DMD: variants seen among roughly 807,000 people sequenced by gnomAD.
The protein encoded by DMD is mutant dystrophin.
Under a neutral mutation model 330.1 loss-of-function variants are expected in DMD, and 63 were observed. The ratio of observed to expected loss-of-function variants is 0.19; its 90% CI spans 0.16 to 0.24. The LOEUF is 0.24. Ranked by LOEUF, DMD falls within the 10% of genes least tolerant of loss-of-function variation. The probability of loss-of-function intolerance (pLI) is 1.00; values close to 1 mark genes in which losing one functional copy is unlikely to be tolerated. For missense variants in DMD, 3,344 were observed against 2,684.1 expected, an observed-to-expected ratio of 1.25 and a Z score of -5.43; for synonymous variants, 1,223 against 959.8, an observed-to-expected ratio of 1.27 and a Z score of -5.07.
intron 11 of DMD, among the ~76,000 whole-genome samples, chrX:32,621,690 G>T (rs1309224952): frequency 9.1e-6 from 1 of 110,322 alleles, no homozygotes; most frequent in African/African-American, 3.3e-5. Flanking sequence ...GTAGGGACCA[G>T]AATGGCTGGG....
chrX:31,665,926 G>A (rs750178703), intron 53 of DMD, among the ~76,000 whole-genome samples: 1 of 111,946 alleles, frequency 8.9e-6, no homozygotes, highest in African/African-American at 3.2e-5. Context: ...CAAGTGCTTC[G>A]TTACCTTAAT....
intron 45 of DMD, among the ~76,000 whole-genome samples, chrX:31,948,439 C>G (rs2095117292): frequency 9.0e-6 from 1 of 110,999 alleles, no homozygotes; most frequent in South Asian, 3.8e-4. Context: ...TTTCAAGAAC[C>G]TTTCTACTGT....
chrX:31,348,319 A>G (rs2058208583), intron 61 of DMD: 1 of 416,620 alleles, frequency 2.4e-6, no homozygotes, highest in East Asian at 4.1e-5. Context: ...ATTTGAGAAT[A>G]TAGTGCAGGA....
At chrX:31,235,192 T>C (rs961753350) in intron 63 of DMD, among the ~76,000 whole-genome samples, 2 of 112,030 alleles carry the variant, frequency 1.8e-5, no homozygotes, top group Non-Finnish European at 3.8e-5. Context: ...AGGATGCTTA[T>C]GTACATACAG....
intron 54 of DMD, among the ~76,000 whole-genome samples, chrX:31,639,161 A>G (rs1051509772): frequency 1.8e-5 from 2 of 111,779 alleles, no homozygotes; most frequent in Non-Finnish European, 3.8e-5. Flanking sequence ...AAGATATTTA[A>G]CCAAATTATA....
intron 55 of DMD, among the ~76,000 whole-genome samples, chrX:31,530,645 CTCTT>C (rs1294079313): frequency 7.5e-5 from 3 of 40,154 alleles, no homozygotes; most frequent in East Asian, 8.1e-4. Flanking sequence ...GCACTGGTTT[CTCTT>C]TTTTTTTTTT....
chrX:31,829,143 T>C (rs1445534452), intron 49 of DMD, among the ~76,000 whole-genome samples: 3 of 111,741 alleles, frequency 2.7e-5, no homozygotes, highest in Non-Finnish European at 5.6e-5. Context: ...AAATACCATA[T>C]GTTCTCACTC....
At chrX:31,845,070 A>G (rs185448769) in intron 48 of DMD, among the ~76,000 whole-genome samples, 1,583 of 87,857 alleles carry the variant, frequency 0.018, 35 homozygotes, top group African/African-American at 0.072. Context: ...ATATATGTAT[A>G]TGTGTGTATA....
At chrX:31,355,767 T>G (rs1374731897) in intron 60 of DMD, among the ~76,000 whole-genome samples, 1 of 110,631 alleles carries the variant, frequency 9.0e-6, no homozygotes, top group Non-Finnish European at 1.9e-5. Context: ...CTGAGACTGA[T>G]TACAGTTTCA....
At chrX:31,219,784 G>A (rs895413053) in intron 64 of DMD, among the ~76,000 whole-genome samples, 9 of 106,502 alleles carry the variant, frequency 8.5e-5, no homozygotes, top group Non-Finnish European at 1.7e-4. Context: ...AAAAATCCAC[G>A]TAAGTTGACC....
At chrX:33,270,759 A>T (rs750773645) in intron 1 of DMD, among the ~76,000 whole-genome samples, 12 of 112,260 alleles carry the variant, frequency 1.1e-4, no homozygotes, top group Non-Finnish European at 5.6e-5. Flanking sequence ...GGAATAGTAT[A>T]TAAACAAAAA....
At chrX:32,186,303 T>A (rs2096946845) in intron 44 of DMD, among the ~76,000 whole-genome samples, 1 of 111,393 alleles carries the variant, frequency 9.0e-6, no homozygotes, top group African/African-American at 3.3e-5. Context: ...TTAATGCATT[T>A]GTCCTGTCAC....
At chrX:32,362,478 AT>A (rs1026812003) in intron 37 of DMD, among the ~76,000 whole-genome samples, 1 of 110,718 alleles carries the variant, frequency 9.0e-6, no homozygotes, top group African/African-American at 3.3e-5. Flanking sequence ...GCTATTTGTT[AT>A]TTTTTTCTGT....
intron 2 of DMD, among the ~76,000 whole-genome samples, chrX:32,853,951 T>C (rs1326309255): frequency 9.0e-6 from 1 of 111,173 alleles, no homozygotes; most frequent in Non-Finnish European, 1.9e-5. Flanking sequence ...AAACAAAATA[T>C]ATTTCAAGAC....
intron 55 of DMD, among the ~76,000 whole-genome samples, chrX:31,621,860 A>G (rs937297334): frequency 1.8e-5 from 2 of 111,957 alleles, no homozygotes; most frequent in Non-Finnish European, 3.8e-5. Flanking sequence ...GCCTTTGGAT[A>G]TGGTGTTTCC....
intron 51 of DMD, among the ~76,000 whole-genome samples, chrX:31,754,222 T>G (rs2088856384): frequency 9.0e-6 from 1 of 111,620 alleles, no homozygotes; most frequent in African/African-American, 3.2e-5. Flanking sequence ...ACAAATATCA[T>G]CTACCTTGGA....
At chrX:32,397,882 TGTG>T (rs1260760622) in intron 30 of DMD, among the ~76,000 whole-genome samples, 2 of 111,229 alleles carry the variant, frequency 1.8e-5, no homozygotes, top group East Asian at 5.6e-4. Flanking sequence ...TTGGAGTTTC[TGTG>T]GTGTCAAAGA....
chrX:31,682,899 G>A (rs73617098), intron 52 of DMD, among the ~76,000 whole-genome samples: 2,255 of 111,945 alleles, frequency 0.02, 64 homozygotes, highest in African/African-American at 0.069. Context: ...TAGATATTAG[G>A]AAAAGATAAA....
intron 57 of DMD, among the ~76,000 whole-genome samples, chrX:31,492,635 T>C (rs2069414440): frequency 1.8e-5 from 2 of 111,614 alleles, no homozygotes; most frequent in South Asian, 3.8e-4. Context: ...CAAATGCCCA[T>C]CAATGATATA....
Sources: gnomAD v4.1 joint callset for allele counts (sites outside exome capture counted in the v4.1 genomes callset) on GRCh38, gnomAD v4.1.1 for gene constraint, MANE v1.5 for transcripts, NCBI Gene and HGNC (gene_info 2026-07-23, HGNC 2026-07-21) for gene names.